The following SLC16A12 variants were observed in gnomAD, a reference collection of about 807,000 sequenced individuals.
SLC16A12 encodes the protein monocarboxylate transporter 12.
Under a neutral mutation model 42.4 loss-of-function variants are expected in SLC16A12, and 17 were observed. The ratio of observed to expected loss-of-function variants is 0.40; its 90% CI spans 0.27 to 0.60. The LOEUF (loss-of-function observed/expected upper bound fraction) is 0.60. Ranked by LOEUF, SLC16A12 falls within the 20% of genes least tolerant of loss-of-function variation. SLC16A12 has a pLI of 0.42. For missense variants in SLC16A12, 544 were observed against 623.0 expected (o/e 0.87, Z 1.35); for synonymous variants, 224 against 229.4 (o/e 0.98, Z 0.21).
rs1269910375 is a variant in SLC16A12, at chr10:89,459,606, AAAC to A, written c.200+2770_200+2772del. ...CACAGTGACAAACAAACAAACAAAC[AAAC>A]AAACTAGAATTCTAGTCCAGCTCTG... On this transcript the variant is annotated intron_variant, in intron 3 of 7. Transcript: ENST00000371790. 3.6e-3 allele frequency among the ~76,000 whole-genome samples: 552 copies of A among 152,138 alleles called. 6 individuals carry two copies. The highest frequency in any genetic ancestry group is 0.013 in the African/African-American group (523 of 41,510).
chr10:89,460,089 G>T (rs529011359), intron 3 of SLC16A12, among the ~76,000 whole-genome samples: 25 of 152,046 alleles, frequency 1.6e-4, no homozygotes, highest in African/African-American at 5.8e-4. Context: ...AAGCACTATG[G>T]GCAATTCCAC....
chr10:89,523,298 C>A, intron 2 of SLC16A12, among the ~76,000 whole-genome samples: 1 of 152,202 alleles, frequency 6.6e-6, no homozygotes, highest in East Asian at 1.9e-4. Context: ...CAAACCCACC[C>A]TCTAAGGTCC....
chr10:89,490,545 G>T (rs1842829617), intron 2 of SLC16A12, among the ~76,000 whole-genome samples: 1 of 152,084 alleles, frequency 6.6e-6, no homozygotes, highest in Admixed American at 6.6e-5. Context: ...TATGTTTACT[G>T]GTATATTATA....
intron 2 of SLC16A12, among the ~76,000 whole-genome samples, chr10:89,521,341 C>A (rs1276055938): frequency 6.6e-6 from 1 of 152,242 alleles, no homozygotes; most frequent in Non-Finnish European, 1.5e-5. Flanking sequence ...ATGGATCAGA[C>A]CTAGTACACA....
chr10:89,527,639 C>A (rs200933872), intron 2 of SLC16A12, among the ~76,000 whole-genome samples: 11 of 143,772 alleles, frequency 7.7e-5, no homozygotes, highest in African/African-American at 1.3e-4. Context: ...TCCATTTCTA[C>A]AAAAAAAAAA....
chr10:89,490,912 A>G (rs1842837232), intron 2 of SLC16A12, among the ~76,000 whole-genome samples: 1 of 152,204 alleles, frequency 6.6e-6, no homozygotes, highest in Non-Finnish European at 1.5e-5. Flanking sequence ...AGGCTGGATG[A>G]AGTTAGCTTG....
chr10:89,440,084 A>G (rs1240179731), intron 5 of SLC16A12, among the ~76,000 whole-genome samples: 1 of 150,958 alleles, frequency 6.6e-6, no homozygotes, highest in Non-Finnish European at 1.5e-5. Flanking sequence ...AAAAAAAAAA[A>G]AAAAAAAAAA....
chr10:89,512,856 C>T (rs916732372), intron 2 of SLC16A12, among the ~76,000 whole-genome samples: 1 of 152,248 alleles, frequency 6.6e-6, no homozygotes, highest in South Asian at 2.1e-4. Flanking sequence ...TGGGTGCCAA[C>T]CAGGACGTGG....
At chr10:89,451,421 T>C (rs1157769001) in intron 3 of SLC16A12, among the ~76,000 whole-genome samples, 2 of 152,122 alleles carry the variant, frequency 1.3e-5, no homozygotes, top group Non-Finnish European at 2.9e-5. Flanking sequence ...ACTGAACTTT[T>C]TTTTTTTGAA....
chr10:89,546,872 T>C lies in SLC16A12; in HGVS notation c.-47+9010A>G, dbSNP rs1475861676. ...GCAGCCATAAAAAGGAATGAGATAA[T>C]GTTTTTTGCAGGGACATGGATAAAG... On this transcript the variant is annotated intron_variant, in intron 2 of 2. Transcript: ENST00000475682. Among the ~76,000 whole-genome samples the C allele has an allele frequency of 2.6e-5, 4 of 152,334 alleles. No individual in the cohort carries two copies. The East Asian group carries it at 7.7e-4, about 29-fold the overall frequency.
chr10:89,472,301 T>C (rs368448478), intron 2 of SLC16A12, among the ~76,000 whole-genome samples: 78,352 of 151,650 alleles, frequency 0.52, 20,567 homozygotes, highest in African/African-American at 0.55. Context: ...AATAATGTAA[T>C]AATAAAACAG....
chr10:89,555,521 A>C (rs1843806114), intron 2 of SLC16A12, among the ~76,000 whole-genome samples: 1 of 142,042 alleles, frequency 7.0e-6, no homozygotes, highest in South Asian at 2.1e-4. Context: ...ATATGTATAT[A>C]TGTGTATATA....
chr10:89,435,950 C>T (rs1003024086), intron 7 of SLC16A12, 110 bp downstream of exon 7: 1 of 1,491,324 alleles, frequency 6.7e-7, no homozygotes, highest in Non-Finnish European at 9.2e-7. Flanking sequence ...CTCTTTCACT[C>T]TTCCCCAACT....
intron 2 of SLC16A12, among the ~76,000 whole-genome samples, chr10:89,463,748 G>GCATT (rs1422892255): frequency 2.0e-5 from 3 of 152,154 alleles, no homozygotes; most frequent in East Asian, 3.8e-4. Context: ...AGTAATATCT[G>GCATT]CATTCATTCA....
chr10:89,453,222 T>G (rs10430720), intron 3 of SLC16A12, among the ~76,000 whole-genome samples: 2 of 152,212 alleles, frequency 1.3e-5, no homozygotes, highest in Non-Finnish European at 2.9e-5. Flanking sequence ...CTGCCTGGCA[T>G]TGATTAACTG....
At chr10:89,507,967 C>T (rs1843093438) in intron 2 of SLC16A12, among the ~76,000 whole-genome samples, 1 of 152,042 alleles carries the variant, frequency 6.6e-6, no homozygotes, top group Non-Finnish European at 1.5e-5. Flanking sequence ...CAATAAAGAT[C>T]AAAAGAGACA....
At chr10:89,492,691 G>C (rs1399226389) in intron 2 of SLC16A12, among the ~76,000 whole-genome samples, 3 of 151,904 alleles carry the variant, frequency 2.0e-5, no homozygotes, top group Admixed American at 6.6e-5. Context: ...GTATTCATAA[G>C]ATAAAAAAGA....
At position 89,430,801 on chromosome 10, in the gene SLC16A12, C is replaced by G; in HGVS notation, c.*2263G>C. ...TTATTTTTCATAAATACTTGTAATA[C>G]TTCACAGAAATTATATTGCAGAACC... On this transcript the variant is annotated 3_prime_UTR_variant, in exon 8 of 8. Coordinates refer to ENST00000371790, the MANE Select transcript of SLC16A12 (RefSeq NM_213606.4). The G allele has an allele frequency of 2.3e-6, 1 of 430,970 alleles. No individual in the cohort carries two copies. Among genetic ancestry groups the G allele is most frequent in the South Asian group, 1.7e-5 (1 of 58,154 alleles). 26.7% of individuals were successfully genotyped at this position (430,970 alleles called of 1,614,324 possible).
intron 2 of SLC16A12, among the ~76,000 whole-genome samples, chr10:89,511,369 G>A (rs1843159483): frequency 6.6e-6 from 1 of 152,184 alleles, no homozygotes; most frequent in South Asian, 2.1e-4. Context: ...AGAAAATGTG[G>A]CACATATACA....
Sources: gnomAD v4.1 joint callset for allele counts (sites outside exome capture counted in the v4.1 genomes callset) on GRCh38, gnomAD v4.1.1 for gene constraint, MANE v1.5 for transcripts, NCBI Gene and HGNC (gene_info 2026-07-23, HGNC 2026-07-21) for gene names.